TMEM59: variants seen among roughly 807,000 people sequenced by gnomAD.
TMEM59 encodes dendritic cell factor 1.
A neutral mutation model predicts 42.2 loss-of-function variants in TMEM59; 44 were observed. The observed-to-expected ratio is 1.04, with a 90% CI of 0.82 to 1.34. The LOEUF is 1.34. Among genes scored for constraint, TMEM59 ranks in the 40% most tolerant of loss-of-function variants. The pLI, the probability that TMEM59 is intolerant of heterozygous loss-of-function variation, is 0.00. For missense variants in TMEM59, 359 were observed against 382.8 expected (o/e 0.94, Z 0.52); for synonymous variants, 148 against 145.8 (o/e 1.02, Z -0.11).
intron 2 of TMEM59, among the ~76,000 whole-genome samples, chr1:54,046,479 T>C (rs148272106): frequency 5.9e-5 from 9 of 152,230 alleles, no homozygotes; most frequent in Non-Finnish European, 1.2e-4. Context: ...TTTACCACTA[T>C]CCTAATTTTA....
At chr1:54,032,402 A>G in intron 7 of TMEM59, 97 bp from the exon 8 acceptor site, 1 of 1,189,652 alleles carries the variant, frequency 8.4e-7, no homozygotes, top group East Asian at 2.7e-5. Context: ...ATAGTTGGTA[A>G]AAAAAATTCT....
rs978847382 is a variant in TMEM59 at position 54,029,497 on chromosome 1, A to C, written c.*2653T>G. On this transcript the variant is annotated 3_prime_UTR_variant, in exon 8 of 8. Transcript: ENST00000234831. Reference sequence around the variant, plus strand: ...GATGCTTTCTGTGTGGTAGGAAATAAGATTATGACTGTTTTATGGAAACAA... The same window carrying C: ...GATGCTTTCTGTGTGGTAGGAAATACGATTATGACTGTTTTATGGAAACAA... 1 of 152,194 alleles carries C rather than the reference A, an allele frequency of 6.6e-6. No individual in the cohort carries two copies. The highest frequency in any genetic ancestry group is 1.5e-5 in the Non-Finnish European group (1 of 68,032). 9.4% of individuals were successfully genotyped at this position (152,194 alleles called of 1,614,324 possible). A position where few individuals can be genotyped will look rare whatever the true frequency, so the allele number is the denominator to read the frequency against.
chr1:54,036,574 A>G, intron 7 of TMEM59, 36 bp downstream of exon 7: 1 of 1,454,140 alleles, frequency 6.9e-7, no homozygotes, highest in Non-Finnish European at 9.3e-7. Flanking sequence ...GATATATCAC[A>G]GGGCTCAGTC....
intron 1 of TMEM59, among the ~76,000 whole-genome samples, chr1:54,052,665 G>C (rs1657590412): frequency 6.6e-6 from 1 of 152,018 alleles, no homozygotes; most frequent in Non-Finnish European, 1.5e-5. Context: ...CGCTCCCTTA[G>C]GTGAGGACCC....
chr1:54,052,906 T>C (rs1259353261), intron 1 of TMEM59, 94 bp downstream of exon 1: 5 of 1,423,982 alleles, frequency 3.5e-6, no homozygotes, highest in Admixed American at 2.1e-5. Flanking sequence ...GAAGGGCCGA[T>C]TTAACAGCCA....
chr1:54,045,813 A>G (rs1240231854), intron 2 of TMEM59, 27 bp from the exon 3 acceptor site: 1 of 1,563,522 alleles, frequency 6.4e-7, no homozygotes. Context: ...GTCAAATTAC[A>G]AGAAACAAAA....
upstream of TMEM59, chr1:54,053,257 G>A: frequency 6.4e-7 from 1 of 1,560,716 alleles, no homozygotes; most frequent in Non-Finnish European, 8.7e-7. Context: ...CCTCCTCCTG[G>A]GGCCAGCCCC....
rs1656723466 is a variant in TMEM59 at position 54,030,244 on chromosome 1, G to A, written c.*1906C>T. On this transcript the variant is annotated 3_prime_UTR_variant, in exon 8 of 8. Transcript: ENST00000234831. The stretch of plus-strand genomic sequence containing the variant: ...TAATTCTTTGTTTTGTTTTTATAAG[G>A]GAGGGTCTTTTCTAACAGTGGGCTC... 2 of 152,074 alleles carry A rather than the reference G, an allele frequency of 1.3e-5. No individual in the cohort carries two copies. The highest frequency in any genetic ancestry group is 4.8e-5 in the African/African-American group (2 of 41,390). The allele number at this position is 152,074 out of a possible 1,614,324, so 9.4% of individuals were successfully genotyped here. A position where few individuals can be genotyped will look rare whatever the true frequency, so the allele number is the denominator to read the frequency against.
intron 5 of TMEM59, among the ~76,000 whole-genome samples, chr1:54,041,327 G>A (rs114165657): frequency 0.036 from 5,519 of 152,204 alleles, 134 homozygotes; most frequent in Middle Eastern, 0.054. Flanking sequence ...CTCACTTTTG[G>A]CATTTTTCAT....
In TMEM59 at chr1:54,053,042, G is replaced by A; in HGVS notation, c.147C>T (p.His49=). ...AGGGGTAGGTCAACTGACAGGCCCG[G>A]TGGCAAGACGCCGTATCACCCAAGA... ...DSVLGDTASC[H]RACQLTYPLH... is the part of the protein sequence containing the mutation. Residue 49 remains histidine (H), a synonymous_variant, in exon 1 of 8, where the codon CAC becomes CAT. Transcript: ENST00000234831. 6.2e-7 allele frequency: 1 copy of A among 1,614,218 alleles called. No individual in the cohort carries two copies. Among genetic ancestry groups the A allele is most frequent in the Non-Finnish European group, 8.5e-7 (1 of 1,180,016 alleles).
chr1:54,045,192 T>C (rs1569959430), intron 3 of TMEM59, among the ~76,000 whole-genome samples: 1 of 152,226 alleles, frequency 6.6e-6, no homozygotes, highest in South Asian at 2.1e-4. Context: ...CTATATGTAA[T>C]TGGGAGCTAC....
chr1:54,035,615 TTTTTC>T (rs147777455), intron 7 of TMEM59, among the ~76,000 whole-genome samples: 1 of 151,444 alleles, frequency 6.6e-6, no homozygotes, highest in Non-Finnish European at 1.5e-5. Context: ...CCAGCATTTT[TTTTTC>T]TTTTCTTTTG....
rs1656726987 is a variant in TMEM59, at chr1:54,030,371, A to G, written c.*1779T>C. ...TGACTAAGGAAACTAAGTATGCACTAATGATGGGAGACGAAACAACAGGGC... is the reference window on the plus strand; with the variant it reads ...TGACTAAGGAAACTAAGTATGCACTGATGATGGGAGACGAAACAACAGGGC... On this transcript the variant is annotated 3_prime_UTR_variant, in exon 8 of 8. Coordinates refer to ENST00000234831, the MANE Select transcript of TMEM59 (RefSeq NM_004872.5). 6.6e-6 allele frequency: 1 copy of G among 152,224 alleles called. No homozygotes were observed. Among genetic ancestry groups the G allele is most frequent in the South Asian group, 2.1e-4 (1 of 4,832 alleles). The allele number at this position is 152,224 out of a possible 1,614,324, so 9.4% of individuals were successfully genotyped here.
At chr1:54,041,939 C>A in intron 4 of TMEM59, 134 bp from the exon 5 acceptor site, 1 of 578,968 alleles carries the variant, frequency 1.7e-6, no homozygotes, top group Non-Finnish European at 2.9e-6. Flanking sequence ...AAAAATAAAA[C>A]ACATTAACCA....
intron 4 of TMEM59, 138 bp from the exon 5 acceptor site, chr1:54,041,943 T>G (rs554167953): frequency 1.7e-6 from 1 of 572,602 alleles, no homozygotes; most frequent in East Asian, 3.0e-5. Flanking sequence ...ATAAAACACA[T>G]TAACCACAAT....
chr1:54,035,183 T>A (rs1656904439), intron 7 of TMEM59, among the ~76,000 whole-genome samples: 1 of 152,236 alleles, frequency 6.6e-6, no homozygotes. Context: ...ATATTAAGTG[T>A]AATATTATCT....
At chr1:54,037,641 CCACCCTAATCACT>C (rs1656995730) in intron 6 of TMEM59, among the ~76,000 whole-genome samples, 1 of 152,184 alleles carries the variant, frequency 6.6e-6, no homozygotes, top group Admixed American at 6.5e-5. Flanking sequence ...TCTATACTTA[CCACCCTAATCACT>C]CACTTGATAG....
Position 54,031,062 on chromosome 1 carries a change from G to C in TMEM59, c.*1088C>G, listed in dbSNP as rs1656751386. On this transcript the variant is annotated 3_prime_UTR_variant, in exon 8 of 8. Transcript: ENST00000234831. Reference sequence around the variant, plus strand: ...AGGTCAGGAGTTCGAGACCAGCCTGGCCAACCTGGTGAAACCCCGTCTCTA... The same window carrying C: ...AGGTCAGGAGTTCGAGACCAGCCTGCCCAACCTGGTGAAACCCCGTCTCTA... 6.6e-6 allele frequency: 1 copy of C among 152,178 alleles called. No individual in the cohort carries two copies. The allele number at this position is 152,178 out of a possible 1,614,324, so 9.4% of individuals were successfully genotyped here.
rs1001997606 is a variant in TMEM59, at chr1:54,026,961, A to C, written c.*5189T>G. 15 of 152,236 alleles carry C rather than the reference A, an allele frequency of 9.9e-5. No homozygotes were observed. Among genetic ancestry groups the C allele is most frequent in the Admixed American group, 4.6e-4 (7 of 15,288 alleles). 9.4% of individuals were successfully genotyped at this position (152,236 alleles called of 1,614,324 possible). A position where few individuals can be genotyped will look rare whatever the true frequency, so the allele number is the denominator to read the frequency against. On this transcript the variant is annotated 3_prime_UTR_variant, in exon 8 of 8. Coordinates refer to ENST00000234831, the MANE Select transcript of TMEM59 (RefSeq NM_004872.5). ...CCAAATAATTGAGAATTGAACAAGA[A>C]AACAAAATAATTTACTCTTAAAATG...
Sources: allele counts gnomAD v4.1 joint callset (sites outside exome capture counted in the v4.1 genomes callset), GRCh38; gene constraint gnomAD v4.1.1; transcripts MANE v1.5; gene names NCBI Gene and HGNC (gene_info 2026-07-23, HGNC 2026-07-21).